The following SV2C variants were observed in gnomAD, a reference collection of about 807,000 sequenced individuals.
The protein encoded by SV2C is synaptic vesicle glycoprotein 2C.
A neutral mutation model predicts 79.7 loss-of-function variants in SV2C; 49 were observed. The ratio of observed to expected loss-of-function variants is 0.61; its 90% CI spans 0.49 to 0.78. The LOEUF (loss-of-function observed/expected upper bound fraction) is 0.78, where lower values mean the gene tolerates loss of function less well. Among genes scored for constraint, SV2C ranks in the 30% least tolerant of loss-of-function variants. The pLI, the probability that SV2C is intolerant of heterozygous loss-of-function variation, is 0.00. For synonymous variants in SV2C, 334 were observed against 333.2 expected (o/e 1.00, Z -0.03); for missense variants, 833 against 912.9 (o/e 0.91, Z 1.13).
intron 4 of SV2C, among the ~76,000 whole-genome samples, chr5:76,227,794 G>A (rs957940609): frequency 6.6e-6 from 1 of 152,164 alleles, no homozygotes. Context: ...GTGCTGTGGG[G>A]CTGTTTTTTC....
At chr5:76,102,689 C>A (rs2112121556) in intron 1 of SV2C, among the ~76,000 whole-genome samples, 1 of 152,242 alleles carries the variant, frequency 6.6e-6, no homozygotes, top group East Asian at 1.9e-4. Context: ...CAAGTTCTGC[C>A]CATATACCAA....
At chr5:75,869,347 G>A in the SV2C span, among the ~76,000 whole-genome samples, 1 of 152,174 alleles carries the variant, frequency 6.6e-6, no homozygotes, top group Non-Finnish European at 1.5e-5. Context: ...GGCATTAAGG[G>A]AATATCATTG....
At chr5:76,234,540 A>G (rs1049308400) in intron 4 of SV2C, among the ~76,000 whole-genome samples, 3 of 152,192 alleles carry the variant, frequency 2.0e-5, no homozygotes, top group African/African-American at 4.8e-5. Context: ...GAGGAATCCA[A>G]AGGGATGAAG....
At chr5:76,223,444 CATAT>C (rs70979384) in intron 4 of SV2C, among the ~76,000 whole-genome samples, 832 of 45,390 alleles carry the variant, frequency 0.018, 4 homozygotes, top group Middle Eastern at 0.033. Flanking sequence ...TACATACATA[CATAT>C]ATATATATAT....
chr5:75,851,612 GC>G, the SV2C span, among the ~76,000 whole-genome samples: 1 of 152,044 alleles, frequency 6.6e-6, no homozygotes, highest in Non-Finnish European at 1.5e-5. Flanking sequence ...TGAGCAGTAT[GC>G]TGTGGCAACT....
At chr5:75,922,033 T>C in the SV2C span, among the ~76,000 whole-genome samples, 1 of 152,110 alleles carries the variant, frequency 6.6e-6, no homozygotes, top group Non-Finnish European at 1.5e-5. Context: ...AAACTGAATA[T>C]ATGACTCAAT....
At chr5:75,878,587 C>G in the SV2C span, among the ~76,000 whole-genome samples, 1 of 152,112 alleles carries the variant, frequency 6.6e-6, no homozygotes, top group African/African-American at 2.4e-5. Context: ...CACCCCAGCT[C>G]ATACCCTTTA....
At chr5:76,085,268 G>C (rs919077692) in intron 1 of SV2C, among the ~76,000 whole-genome samples, 1 of 152,150 alleles carries the variant, frequency 6.6e-6, no homozygotes, top group African/African-American at 2.4e-5. Flanking sequence ...CAGGATTTTT[G>C]GCAGGAGGCC....
the SV2C span, among the ~76,000 whole-genome samples, chr5:76,063,920 T>C: frequency 6.6e-6 from 1 of 152,164 alleles, no homozygotes; most frequent in South Asian, 2.1e-4. Context: ...TGATATCCTT[T>C]GAATTATTTA....
chr5:76,315,406 G>A (rs1056329959), intron 12 of SV2C, among the ~76,000 whole-genome samples: 1 of 151,610 alleles, frequency 6.6e-6, no homozygotes, highest in African/African-American at 2.4e-5. Flanking sequence ...TACAAAAATC[G>A]ACTTCCAACA....
At chr5:75,945,592 T>C in the SV2C span, among the ~76,000 whole-genome samples, 6 of 152,184 alleles carry the variant, frequency 3.9e-5, no homozygotes, top group African/African-American at 1.4e-4. Flanking sequence ...GTGCTGGGAT[T>C]ACAGACATGA....
intron 12 of SV2C, among the ~76,000 whole-genome samples, chr5:76,345,147 G>A (rs1027102962): frequency 6.6e-6 from 1 of 152,172 alleles, no homozygotes; most frequent in Non-Finnish European, 1.5e-5. Flanking sequence ...TATTTAGAAT[G>A]AATTCATTGA....
the SV2C span, among the ~76,000 whole-genome samples, chr5:75,938,872 A>G: frequency 6.6e-6 from 1 of 152,188 alleles, no homozygotes; most frequent in South Asian, 2.1e-4. Flanking sequence ...TATAAATCAC[A>G]GTGGATTTTG....
chr5:76,213,868 T>TC (rs1290913299), intron 4 of SV2C, among the ~76,000 whole-genome samples: 2 of 152,078 alleles, frequency 1.3e-5, no homozygotes, highest in Non-Finnish European at 2.9e-5. Context: ...GACCAACATC[T>TC]CCCCCCATCC....
At chr5:76,204,262 C>T (rs962111487) in intron 3 of SV2C, among the ~76,000 whole-genome samples, 39 of 152,002 alleles carry the variant, frequency 2.6e-4, no homozygotes, top group Admixed American at 7.2e-4. Flanking sequence ...TTGTTGATTC[C>T]GAGTAAGAAT....
intron 4 of SV2C, among the ~76,000 whole-genome samples, chr5:76,278,956 G>A (rs1026555188): frequency 2.6e-5 from 4 of 152,170 alleles, no homozygotes; most frequent in Admixed American, 6.5e-5. Flanking sequence ...GGTCCACGTC[G>A]GCCAGAACCT....
the SV2C span, among the ~76,000 whole-genome samples, chr5:75,933,850 G>A: frequency 1.3e-5 from 2 of 152,114 alleles, no homozygotes; most frequent in Non-Finnish European, 2.9e-5. Context: ...TTTCACCACT[G>A]TATCTAGCTT....
At chr5:76,042,069 C>G in the SV2C span, among the ~76,000 whole-genome samples, 2,256 of 152,316 alleles carry the variant, frequency 0.015, 56 homozygotes, top group African/African-American at 0.047. Context: ...CAGGACAGCC[C>G]TTGGCTCTGT....
the SV2C span, among the ~76,000 whole-genome samples, chr5:75,918,288 G>A: frequency 0.036 from 5,406 of 152,224 alleles, 329 homozygotes; most frequent in African/African-American, 0.12. Context: ...TAAATACAAC[G>A]ATTGCAGACA....
Sources: allele counts gnomAD v4.1 joint callset (sites outside exome capture counted in the v4.1 genomes callset), GRCh38; gene constraint gnomAD v4.1.1; transcripts MANE v1.5; gene names NCBI Gene and HGNC (gene_info 2026-07-23, HGNC 2026-07-21).